The following USP6NL variants were observed in gnomAD, a reference collection of about 807,000 sequenced individuals.
USP6NL encodes USP6 N-terminal like.
A neutral mutation model predicts 61.9 loss-of-function variants in USP6NL; 26 were observed. That is an observed-to-expected ratio of 0.42 (90% CI 0.31 to 0.58). The LOEUF (loss-of-function observed/expected upper bound fraction) is 0.58, where lower values mean the gene tolerates loss of function less well. Among genes scored for constraint, USP6NL ranks in the 20% least tolerant of loss-of-function variants. The probability of loss-of-function intolerance (pLI) is 0.16; values close to 1 mark genes in which losing one functional copy is unlikely to be tolerated. For synonymous variants in USP6NL, 432 were observed against 390.1 expected, an observed-to-expected ratio of 1.11 and a Z score of -1.27; for missense variants, 1,114 against 1,034.3, an observed-to-expected ratio of 1.08 and a Z score of -1.06.
chr10:11,494,060 G>A (rs1201384949), intron 7 of USP6NL, among the ~76,000 whole-genome samples: 1 of 152,200 alleles, frequency 6.6e-6, no homozygotes, highest in African/African-American at 2.4e-5. Context: ...CCTGTGAAAG[G>A]CTATATGGAA....
chr10:11,538,473 G>T (rs2133444186), intron 2 of USP6NL, among the ~76,000 whole-genome samples: 1 of 152,100 alleles, frequency 6.6e-6, no homozygotes, highest in South Asian at 2.1e-4. Flanking sequence ...TGGTGTCTCT[G>T]GTATCTATCA....
chr10:11,474,057 G>A lies in USP6NL; in HGVS notation c.1078+7713C>T, dbSNP rs1283751783. Among the ~76,000 whole-genome samples the A allele has an allele frequency of 6.6e-6, 1 of 152,144 alleles. No homozygotes were observed. On this transcript the variant is annotated intron_variant, in intron 14 of 14. Coordinates refer to ENST00000609104, the MANE Select transcript of USP6NL (RefSeq NM_014688.5). This position sits in a 1 kb window ranked among gnomAD's most constrained non-coding sequence, Gnocchi z 4.9. ...GAACTCACCTGGAGTTCCAGCTCAT[G>A]CTTCAGCTGACTGAGAAAGTACACC...
chr10:11,479,445 G>T (rs1279697891), intron 14 of USP6NL, among the ~76,000 whole-genome samples: 2 of 152,138 alleles, frequency 1.3e-5, no homozygotes, highest in African/African-American at 4.8e-5. Flanking sequence ...ATTTTAAAAT[G>T]TAACAGCACC....
intron 2 of USP6NL, among the ~76,000 whole-genome samples, chr10:11,569,989 C>T (rs1338513378): frequency 6.6e-6 from 1 of 152,152 alleles, no homozygotes; most frequent in Non-Finnish European, 1.5e-5. Context: ...ACACATTGTG[C>T]CCTCTCTTAT....
intron 2 of USP6NL, among the ~76,000 whole-genome samples, chr10:11,530,249 G>A (rs1217571867): frequency 2.0e-5 from 3 of 151,922 alleles, no homozygotes; most frequent in African/African-American, 7.3e-5. Flanking sequence ...TTATTGGAAT[G>A]TCTTTTATAC....
chr10:11,602,234 G>A lies in USP6NL; in HGVS notation c.-83-4517C>T, dbSNP rs1420224850. The stretch of plus-strand genomic sequence containing the variant: ...CGCAACTTTCTCATCAAGTCAGAAA[G>A]AAAAAAGCATCAGAAATGATGCCTC... On this transcript the variant is annotated intron_variant, in intron 1 of 14. Coordinates refer to ENST00000609104, the MANE Select transcript of USP6NL (RefSeq NM_014688.5). The surrounding 1 kb of genome is among the most constrained non-coding windows in gnomAD (Gnocchi z 4.8). Among the ~76,000 whole-genome samples, 1 of 152,012 alleles carries A rather than the reference G, an allele frequency of 6.6e-6. No homozygotes were observed. Among genetic ancestry groups the A allele is most frequent in the African/African-American group, 2.4e-5 (1 of 41,406 alleles).
Position 11,489,959 on chromosome 10 carries a change from A to AG in USP6NL, c.544-738dup, listed in dbSNP as rs1195430136. 6.6e-6 allele frequency among the ~76,000 whole-genome samples: 1 copy of AG among 152,172 alleles called. No individual in the cohort carries two copies. Among genetic ancestry groups the AG allele is most frequent in the Non-Finnish European group, 1.5e-5 (1 of 68,022 alleles). On this transcript the variant is annotated intron_variant, in intron 9 of 14. Transcript: ENST00000609104. This position sits in a 1 kb window ranked among gnomAD's most constrained non-coding sequence, Gnocchi z 5.7. The stretch of plus-strand genomic sequence containing the variant: ...TAGGCAAAGGAAGCAATCTGGAGAG[A>AG]GAAACAGTGAACTGAACAGTTCACA...
chr10:11,547,088 ACTT>A (rs1264183781), intron 2 of USP6NL, among the ~76,000 whole-genome samples: 1 of 152,152 alleles, frequency 6.6e-6, no homozygotes, highest in African/African-American at 2.4e-5. Context: ...ATTCCTAATA[ACTT>A]CTTTACTACT....
intron 2 of USP6NL, among the ~76,000 whole-genome samples, chr10:11,590,220 C>A (rs1445546942): frequency 6.6e-6 from 1 of 152,158 alleles, no homozygotes; most frequent in Non-Finnish European, 1.5e-5. Flanking sequence ...TTCACAGTCA[C>A]CCTGCCTATC....
At chr10:11,608,095 G>A (rs917231231) in intron 1 of USP6NL, among the ~76,000 whole-genome samples, 4 of 152,188 alleles carry the variant, frequency 2.6e-5, no homozygotes, top group Non-Finnish European at 5.9e-5. Flanking sequence ...TTGAGAGGTG[G>A]TCCAAGCTCT....
In USP6NL at chr10:11,474,353, C is replaced by T. The variant is rs79347327; in HGVS notation, c.1078+7417G>A. 3.1e-3 allele frequency among the ~76,000 whole-genome samples: 474 copies of T among 152,200 alleles called. 2 individuals are homozygous for T. Among genetic ancestry groups the T allele is most frequent in the Non-Finnish European group, 5.4e-3 (369 of 68,000 alleles). On this transcript the variant is annotated intron_variant, in intron 14 of 14. Transcript: ENST00000609104. The surrounding 1 kb of genome is among the most constrained non-coding windows in gnomAD (Gnocchi z 4.9). ...ATACTGAAACAAAAGACTTAAGGTTCAGGATATTCTTAAGGTTGAATTAAT... is the reference window on the plus strand; with the variant it reads ...ATACTGAAACAAAAGACTTAAGGTTTAGGATATTCTTAAGGTTGAATTAAT...
intron 2 of USP6NL, among the ~76,000 whole-genome samples, chr10:11,555,596 A>G (rs1836682254): frequency 6.6e-6 from 1 of 151,566 alleles, no homozygotes; most frequent in Non-Finnish European, 1.5e-5. Context: ...GAGAGGACAG[A>G]TAGAATGGTA....
At position 11,491,337 on chromosome 10, in the gene USP6NL, C is replaced by G. The variant is rs761490917; in HGVS notation, c.495-457G>C. On this transcript the variant is annotated intron_variant, in intron 8 of 14. Transcript: ENST00000609104. The surrounding 1 kb of genome is among the most constrained non-coding windows in gnomAD (Gnocchi z 4.7). ...TGCTGTTTTTCCCATAGCCAGGATTCAAGGATCCAAGATTCAAAGGCTGCA... is the reference window on the plus strand; with the variant it reads ...TGCTGTTTTTCCCATAGCCAGGATTGAAGGATCCAAGATTCAAAGGCTGCA... 1.1e-4 allele frequency among the ~76,000 whole-genome samples: 17 copies of G among 152,166 alleles called. No individual in the cohort carries two copies. The highest frequency in any genetic ancestry group is 2.1e-4 in the Non-Finnish European group (14 of 68,030).
Position 11,597,363 on chromosome 10 carries a change from A to G in USP6NL, c.4+268T>C, listed in dbSNP as rs1838364637. Among the ~76,000 whole-genome samples the G allele has an allele frequency of 6.6e-6, 1 of 152,244 alleles. No individual in the cohort carries two copies. The highest frequency in any genetic ancestry group is 2.1e-4 in the South Asian group (1 of 4,832). ...AGAACCGTTTTCCAATGGCAAGTCA[A>G]TAGAAAATTTTAGATCACAGAACTA... is the stretch of plus-strand genomic sequence containing the variant. On this transcript the variant is annotated intron_variant, in intron 2 of 14. Coordinates refer to ENST00000609104, the MANE Select transcript of USP6NL (RefSeq NM_014688.5). This position sits in a 1 kb window ranked among gnomAD's most constrained non-coding sequence, Gnocchi z 4.6.
At chr10:11,497,280 G>A (rs894876215) in intron 7 of USP6NL, among the ~76,000 whole-genome samples, 9 of 151,160 alleles carry the variant, frequency 6.0e-5, no homozygotes, top group Admixed American at 1.3e-4. Context: ...GCATGGTGGC[G>A]GGCACCTGTA....
At position 11,518,910 on chromosome 10, in the gene USP6NL, C is replaced by T. The variant is rs1304603988; in HGVS notation, c.156-336G>A. Among the ~76,000 whole-genome samples, 1 of 152,204 alleles carries T rather than the reference C, an allele frequency of 6.6e-6. No homozygotes were observed. The highest frequency in any genetic ancestry group is 1.9e-4 in the East Asian group (1 of 5,204). On this transcript the variant is annotated intron_variant, in intron 4 of 14. Coordinates refer to ENST00000609104, the MANE Select transcript of USP6NL (RefSeq NM_014688.5). This position sits in a 1 kb window ranked among gnomAD's most constrained non-coding sequence, Gnocchi z 5.3. Reference sequence around the variant, plus strand: ...ATGAATGTCACGTAGCTAGAAGCCACCATATTGAACGGTACAGATATAGAA... The same window carrying T: ...ATGAATGTCACGTAGCTAGAAGCCATCATATTGAACGGTACAGATATAGAA...
intron 2 of USP6NL, among the ~76,000 whole-genome samples, chr10:11,544,808 G>A (rs1836214990): frequency 6.6e-6 from 1 of 152,088 alleles, no homozygotes; most frequent in Non-Finnish European, 1.5e-5. Context: ...AATTTTCTAA[G>A]TAGATAAGCA....
At chr10:11,557,035 C>T (rs1591924998) in intron 2 of USP6NL, among the ~76,000 whole-genome samples, 1 of 152,260 alleles carries the variant, frequency 6.6e-6, no homozygotes, top group Non-Finnish European at 1.5e-5. Flanking sequence ...AGAACAACTC[C>T]ATATCCTCAA....
rs1832303373 is a variant in USP6NL, at chr10:11,463,749, G to A, written c.1179C>T (p.Gly393=). Residue 393 remains glycine (G), a synonymous_variant, in exon 15 of 15, where the codon GGC becomes GGT. Coordinates refer to ENST00000609104, the MANE Select transcript of USP6NL (RefSeq NM_014688.5). This position sits in a 1 kb window ranked among gnomAD's most constrained non-coding sequence, Gnocchi z 6.3. Reference sequence around the variant, plus strand: ...TGCCGCTGGCCAGCGGGCTCGGCCGGCCCACGCTCCTCTGTCCGTTGCTCA... The same window carrying A: ...TGCCGCTGGCCAGCGGGCTCGGCCGACCCACGCTCCTCTGTCCGTTGCTCA... ...HHLSNGQRSV[G]RPSPLASGRR... is the part of the protein sequence containing the mutation. The A allele has an allele frequency of 6.3e-7, 1 of 1,590,468 alleles. No individual in the cohort carries two copies. The highest frequency in any genetic ancestry group is 8.6e-7 in the Non-Finnish European group (1 of 1,167,358).
Sources: allele counts gnomAD v4.1 joint callset (sites outside exome capture counted in the v4.1 genomes callset), GRCh38; gene constraint gnomAD v4.1.1; non-coding constraint Gnocchi (gnomAD v3.1); transcripts MANE v1.5; gene names NCBI Gene and HGNC (gene_info 2026-07-23, HGNC 2026-07-21).